Variants in HLCS observed in about 807,000 individuals in gnomAD.
HLCS encodes the protein biotin--protein ligase.
HLCS carries 53 observed loss-of-function variants against 75.0 expected under a neutral mutation model. That is an observed-to-expected ratio of 0.71 (90% CI 0.57 to 0.89). The LOEUF is 0.89. Ranked by LOEUF, HLCS falls within the 40% of genes least tolerant of loss-of-function variation. The probability of loss-of-function intolerance (pLI) is 0.00; values close to 1 mark genes in which losing one functional copy is unlikely to be tolerated. For missense variants in HLCS, 966 were observed against 1,074.0 expected (o/e 0.90, Z 1.41); for synonymous variants, 431 against 428.6 (o/e 1.01, Z -0.07).
intron 2 of HLCS, among the ~76,000 whole-genome samples, chr21:36,955,467 T>A (rs1317204002): frequency 6.6e-6 from 1 of 152,000 alleles, no homozygotes; most frequent in Non-Finnish European, 1.5e-5. Context: ...AAGAATAAAA[T>A]TTTAAAAACA....
At chr21:36,812,135 T>A (rs995296746) in intron 6 of HLCS, among the ~76,000 whole-genome samples, 1 of 152,146 alleles carries the variant, frequency 6.6e-6, no homozygotes, top group Non-Finnish European at 1.5e-5. Flanking sequence ...AAGCGCATCC[T>A]TCTACAAAGC....
intron 6 of HLCS, among the ~76,000 whole-genome samples, chr21:36,786,965 G>A (rs976603106): frequency 2.0e-5 from 3 of 152,174 alleles, no homozygotes; most frequent in Admixed American, 6.5e-5. Context: ...AGGGGTGGTC[G>A]GGGCCCAGCA....
At chr21:36,805,332 G>A (rs1420784478) in intron 6 of HLCS, among the ~76,000 whole-genome samples, 4 of 152,164 alleles carry the variant, frequency 2.6e-5, no homozygotes, top group East Asian at 1.9e-4. Context: ...GGTCAGGTTC[G>A]GGTCTGCACT....
At chr21:36,812,754 TC>T (rs2061549115) in intron 6 of HLCS, among the ~76,000 whole-genome samples, 1 of 152,144 alleles carries the variant, frequency 6.6e-6, no homozygotes, top group Non-Finnish European at 1.5e-5. Context: ...TGACTTTTCC[TC>T]CTTTTAAAAA....
At chr21:36,941,218 T>C (rs1245999323) in intron 2 of HLCS, among the ~76,000 whole-genome samples, 1 of 152,084 alleles carries the variant, frequency 6.6e-6, no homozygotes, top group Admixed American at 6.6e-5. Context: ...TCTCAATCAA[T>C]CAATCAATAA....
At chr21:36,837,020 C>T (rs1002612434) in intron 6 of HLCS, among the ~76,000 whole-genome samples, 1 of 151,926 alleles carries the variant, frequency 6.6e-6, no homozygotes, top group African/African-American at 2.4e-5. Context: ...CCCATGTCTA[C>T]AAAAATACAA....
intron 6 of HLCS, among the ~76,000 whole-genome samples, chr21:36,881,076 T>C (rs369721757): frequency 7.9e-5 from 12 of 151,984 alleles, no homozygotes; most frequent in African/African-American, 2.9e-4. Context: ...ATTCAAGCAA[T>C]CTCCTGCCTC....
chr21:36,833,441 C>T (rs898282271), intron 6 of HLCS, among the ~76,000 whole-genome samples: 3 of 151,584 alleles, frequency 2.0e-5, no homozygotes, highest in Non-Finnish European at 4.4e-5. Context: ...AAAAATAAGC[C>T]AGATGTAGTG....
intron 5 of HLCS, among the ~76,000 whole-genome samples, chr21:36,909,272 A>G (rs1034823066): frequency 2.0e-5 from 3 of 152,270 alleles, no homozygotes; most frequent in Admixed American, 1.3e-4. Flanking sequence ...AGGTAGTTAC[A>G]TGTAAAACAT....
At chr21:36,887,327 G>C (rs972146476) in intron 6 of HLCS, among the ~76,000 whole-genome samples, 1 of 152,118 alleles carries the variant, frequency 6.6e-6, no homozygotes, top group African/African-American at 2.4e-5. Flanking sequence ...AGAGGACACT[G>C]GGACGGCTCA....
intron 6 of HLCS, among the ~76,000 whole-genome samples, chr21:36,885,484 G>C (rs1351164896): frequency 6.6e-6 from 1 of 151,078 alleles, no homozygotes; most frequent in East Asian, 1.9e-4. Context: ...CTCCAGCCTG[G>C]GTGACAGAGC....
chr21:36,758,901 T>C (rs944537663), intron 9 of HLCS, among the ~76,000 whole-genome samples: 1 of 151,916 alleles, frequency 6.6e-6, no homozygotes, highest in Non-Finnish European at 1.5e-5. Flanking sequence ...GGAGAATCAC[T>C]TGAACCTGGG....
chr21:36,772,634 GTC>G (rs2060241363), intron 6 of HLCS, among the ~76,000 whole-genome samples: 1 of 97,908 alleles, frequency 1.0e-5, no homozygotes, highest in African/African-American at 4.0e-5. Flanking sequence ...GCAAGACACT[GTC>G]TCAAAAAAAA....
intron 6 of HLCS, among the ~76,000 whole-genome samples, chr21:36,883,535 A>C (rs2064319294): frequency 6.6e-6 from 1 of 152,248 alleles, no homozygotes; most frequent in African/African-American, 2.4e-5. Flanking sequence ...TCTACTTAGA[A>C]ACTACTGTTA....
intron 9 of HLCS, among the ~76,000 whole-genome samples, chr21:36,759,374 G>T (rs2089734307): frequency 6.6e-6 from 1 of 152,202 alleles, no homozygotes; most frequent in Non-Finnish European, 1.5e-5. Flanking sequence ...CAAGACACCA[G>T]GAGAACTATT....
intron 2 of HLCS, among the ~76,000 whole-genome samples, chr21:36,942,820 CT>C (rs2067210462): frequency 6.6e-6 from 1 of 151,932 alleles, no homozygotes; most frequent in Non-Finnish European, 1.5e-5. Flanking sequence ...GTCCCAGCTA[CT>C]AGGGAGGCTG....
At chr21:36,926,741 C>CTTTTTTT (rs34057978) in intron 5 of HLCS, among the ~76,000 whole-genome samples, 3 of 127,068 alleles carry the variant, frequency 2.4e-5, no homozygotes, top group Non-Finnish European at 3.3e-5. Context: ...GTCTTGTTTC[C>CTTTTTTT]TTTTTTTTTT....
At chr21:36,956,361 T>C (rs1026377741) in intron 2 of HLCS, among the ~76,000 whole-genome samples, 2 of 152,136 alleles carry the variant, frequency 1.3e-5, no homozygotes, top group African/African-American at 4.8e-5. Context: ...TGAGAGTACA[T>C]TTGGAACAAG....
intron 6 of HLCS, among the ~76,000 whole-genome samples, chr21:36,783,820 CAT>C (rs1020607720): frequency 7.0e-6 from 1 of 143,488 alleles, no homozygotes; most frequent in African/African-American, 2.5e-5. Flanking sequence ...CACACATGCA[CAT>C]ACACACACAC....
Sources: gnomAD v4.1 joint callset for allele counts (sites outside exome capture counted in the v4.1 genomes callset) on GRCh38, gnomAD v4.1.1 for gene constraint, MANE v1.5 for transcripts, NCBI Gene and HGNC (gene_info 2026-07-23, HGNC 2026-07-21) for gene names.